Variants in MACF1 observed in about 807,000 individuals in gnomAD.
MACF1 encodes the protein microtubule-actin cross-linking factor 1.
In MACF1, 193 loss-of-function variants were observed where a neutral mutation model predicts 854.8. That is an observed-to-expected ratio of 0.23 (90% CI 0.20 to 0.25). The LOEUF (loss-of-function observed/expected upper bound fraction) is 0.25. MACF1 is among the 10% of genes least tolerant of loss of function. The pLI, the probability that MACF1 is intolerant of heterozygous loss-of-function variation, is 1.00. For synonymous variants in MACF1, 3,185 were observed against 3,226.7 expected, an observed-to-expected ratio of 0.99 and a Z score of 0.44; for missense variants, 7,722 against 8,929.1, an observed-to-expected ratio of 0.86 and a Z score of 5.45.
intron 2 of MACF1, among the ~76,000 whole-genome samples, chr1:39,101,244 C>T (rs1286246328): frequency 6.6e-6 from 1 of 151,482 alleles, no homozygotes; most frequent in African/African-American, 2.4e-5. Context: ...GTAATCCCAG[C>T]TACTTGAGAG....
Position 39,448,758 on chromosome 1 carries a change from G to A in MACF1, c.20253G>A (p.Val6751=), listed in dbSNP as rs753179224. 1.9e-6 allele frequency: 3 copies of A among 1,609,902 alleles called. No homozygotes were observed. The highest frequency in any genetic ancestry group is 1.1e-5 in the South Asian group (1 of 90,542). Residue 6751 remains valine, a synonymous_variant, in exon 84 of 101, where the codon GTG becomes GTA. Transcript: ENST00000564288. ...GGGATACTGTTTGTGGCAAGTCTGT[G>A]GAGCGGTGAGCATGAATGTCCCCTT... ...DKWDTVCGKS[V]ERQHKLEEAL...
At position 39,428,094 on chromosome 1, in the gene MACF1, G is replaced by A. The variant is rs188914563; in HGVS notation, c.16610G>A (p.Arg5537Gln). 1.8e-5 allele frequency: 29 copies of A among 1,614,146 alleles called. No individual in the cohort carries two copies. The Admixed American group carries it at 2.7e-4, about 15-fold the overall frequency. ...LSEKIDSLQA[R>Q]YSEIQDRCCR... is the part of the protein sequence containing the mutation. ...GAAAAGATAGACTCATTGCAGGCCC[G>A]ATACAGTGAAATTCAAGACCGCTGT... Residue 5537 changes from arginine (R) to glutamine (Q), a missense_variant, in exon 63 of 101, where the codon CGA (arginine) becomes CAA (glutamine). Transcript: ENST00000564288.
chr1:39,207,016 G>A (rs1487837919), intron 1 of MACF1: 1 of 149,716 alleles, frequency 6.7e-6, no homozygotes, highest in Non-Finnish European at 1.5e-5. Context: ...ATACAGTATT[G>A]CAGAACAAAC....
At chr1:39,392,694 A>G (rs192898142) in intron 58 of MACF1, among the ~76,000 whole-genome samples, 6 of 152,320 alleles carry the variant, frequency 3.9e-5, no homozygotes, top group East Asian at 1.9e-4. Flanking sequence ...AGTCTTGCTG[A>G]TAGATCCATG....
chr1:39,259,091 A>C (rs994243509), intron 6 of MACF1, among the ~76,000 whole-genome samples: 1 of 152,140 alleles, frequency 6.6e-6, no homozygotes, highest in Non-Finnish European at 1.5e-5. Context: ...AACTTTGTTG[A>C]GCTTTCATGG....
rs754035890 is a variant in MACF1 at position 39,422,876 on chromosome 1, G to A, written c.16125G>A (p.Val5375=). ...CTCCATCTGCTGAGTATAAAGTGGT[G>A]AAAGCACAGATCCAAGAACAGAAGG... ...QKPPSAEYKV[V]KAQIQEQKLL... Residue 5375 remains valine, a synonymous_variant, in exon 60 of 101, where the codon GTG becomes GTA. Coordinates refer to ENST00000564288, the MANE Select transcript of MACF1 (RefSeq NM_001394062.1). 1.9e-6 allele frequency: 3 copies of A among 1,614,068 alleles called. No homozygotes were observed. The highest frequency in any genetic ancestry group is 4.5e-5 in the East Asian group (2 of 44,892).
At chr1:39,202,035 C>T (rs1220330781), upstream of MACF1, among the ~76,000 whole-genome samples, 1 of 126,516 alleles carries the variant, frequency 7.9e-6, no homozygotes, top group African/African-American at 2.9e-5. Flanking sequence ...GGCGCAATCT[C>T]GGCTCACTGC....
chr1:39,347,307 C>A (rs1647074721), intron 41 of MACF1, 97 bp downstream of exon 41: 2 of 892,828 alleles, frequency 2.2e-6, no homozygotes, highest in Non-Finnish European at 3.6e-6. Flanking sequence ...ATTGCAGGAG[C>A]CTGGGTTTAC....
chr1:39,273,811 C>G (rs991979594), intron 6 of MACF1, among the ~76,000 whole-genome samples: 1 of 152,042 alleles, frequency 6.6e-6, no homozygotes, highest in Non-Finnish European at 1.5e-5. Context: ...AGGATGGTCT[C>G]GATCTCCTGA....
chr1:39,091,988 C>T (rs116057917), intron 2 of MACF1, among the ~76,000 whole-genome samples: 1,597 of 152,292 alleles, frequency 0.01, 15 homozygotes, highest in Middle Eastern at 0.02. Context: ...CTATGAAGAC[C>T]GTTAGAATGC....
chr1:39,448,232 C>T (rs1439117710), intron 83 of MACF1, 80 bp downstream of exon 83: 3 of 1,481,414 alleles, frequency 2.0e-6, no homozygotes, highest in Non-Finnish European at 2.7e-6. Flanking sequence ...AAAATCAGAG[C>T]TAGTAAAAAG....
Position 39,430,973 on chromosome 1 carries a change from T to TACCCATAAATACACATAAATACA in MACF1, c.17337+65_17337+66insACCCATAAATACACATAAATACA. 8 of 1,384,094 alleles carry TACCCATAAATACACATAAATACA rather than the reference T, an allele frequency of 5.8e-6. No individual in the cohort carries two copies. The East Asian group carries it at 9.2e-5, about 16-fold the overall frequency. The allele number at this position is 1,384,094 out of a possible 1,614,324, so 85.7% of individuals were successfully genotyped here. ...TATTGATGTGTGAGATACAGTACTA[T>TACCCATAAATACACATAAATACA]GACCCACATAAATACAGACTCAGAA... On this transcript the variant is annotated intron_variant, in intron 66 of 100. Transcript: ENST00000564288.
intron 1 of MACF1, among the ~76,000 whole-genome samples, chr1:39,218,380 T>C (rs1234980992): frequency 6.6e-6 from 1 of 152,176 alleles, no homozygotes; most frequent in Admixed American, 6.5e-5. Context: ...ATGAATGTCA[T>C]GCAAAGGTAT....
chr1:39,477,079 A>ATATACACTTAGTGTG (rs1644911409), intron 97 of MACF1, among the ~76,000 whole-genome samples: 1 of 15,142 alleles, frequency 6.6e-5, no homozygotes, highest in African/African-American at 2.1e-4. Context: ...ATATATATAT[A>ATATACACTTAGTGTG]TATATATATA....
intron 40 of MACF1, among the ~76,000 whole-genome samples, chr1:39,342,810 G>A (rs1309739270): frequency 5.3e-5 from 8 of 152,044 alleles, no homozygotes; most frequent in South Asian, 2.1e-4. Flanking sequence ...ATGAGCCACC[G>A]CGTCTGGCCA....
At chr1:39,231,142 G>T (rs756657748) in intron 1 of MACF1, 40 bp from the exon 2 acceptor site, 2 of 1,542,090 alleles carry the variant, frequency 1.3e-6, no homozygotes, top group Admixed American at 3.3e-5. Context: ...TGTTACCTGG[G>T]TAGCACTAAG....
chr1:39,477,118 GTATA>G (rs1170894300), intron 97 of MACF1, among the ~76,000 whole-genome samples: 831 of 24,558 alleles, frequency 0.034, 36 homozygotes, highest in Non-Finnish European at 0.049. Flanking sequence ...TACACTTAGT[GTATA>G]TATATATATA....
At chr1:39,447,638 G>C (rs1327507324) in intron 81 of MACF1, 51 bp downstream of exon 81, 1 of 1,613,442 alleles carries the variant, frequency 6.2e-7, no homozygotes, top group South Asian at 1.1e-5. Flanking sequence ...CTAATTGAAA[G>C]AAATGCCCCT....
chr1:39,224,674 A>C (rs1229047231), intron 1 of MACF1, among the ~76,000 whole-genome samples: 1 of 152,158 alleles, frequency 6.6e-6, no homozygotes, highest in African/African-American at 2.4e-5. Context: ...GAGAGAGAGC[A>C]GTTGAAGATA....
Sources: gnomAD v4.1 joint callset for allele counts (sites outside exome capture counted in the v4.1 genomes callset) on GRCh38, gnomAD v4.1.1 for gene constraint, MANE v1.5 for transcripts, NCBI Gene and HGNC (gene_info 2026-07-23, HGNC 2026-07-21) for gene names.